The following USP6NL variants were observed in gnomAD, a reference collection of about 807,000 sequenced individuals.
USP6NL encodes USP6 N-terminal like.
In USP6NL, 26 loss-of-function variants were observed where a neutral mutation model predicts 61.9. That is an observed-to-expected ratio of 0.42 (90% CI 0.31 to 0.58). USP6NL has a LOEUF of 0.58. USP6NL is among the 20% of genes least tolerant of loss of function. The pLI, the probability that USP6NL is intolerant of heterozygous loss-of-function variation, is 0.16. For synonymous variants in USP6NL, 432 were observed against 390.1 expected, an observed-to-expected ratio of 1.11 and a Z score of -1.27; for missense variants, 1,114 against 1,034.3, an observed-to-expected ratio of 1.08 and a Z score of -1.06.
chr10:11,499,251 A>G lies in USP6NL; in HGVS notation c.384+1850T>C, dbSNP rs1834073546. Reference sequence around the variant, plus strand: ...TGATGCTGGGGGAAACTCAAATAGTAAAAATAATATTGATGACAGTGTTGA... The same window carrying G: ...TGATGCTGGGGGAAACTCAAATAGTGAAAATAATATTGATGACAGTGTTGA... On this transcript the variant is annotated intron_variant, in intron 7 of 14. Transcript: ENST00000609104. The surrounding 1 kb of genome is among the most constrained non-coding windows in gnomAD (Gnocchi z 4.5). Among the ~76,000 whole-genome samples the G allele has an allele frequency of 6.6e-6, 1 of 152,208 alleles. No individual in the cohort carries two copies. The highest frequency in any genetic ancestry group is 1.5e-5 in the Non-Finnish European group (1 of 68,032).
chr10:11,522,716 C>T (rs1835260643), intron 4 of USP6NL, among the ~76,000 whole-genome samples: 1 of 152,224 alleles, frequency 6.6e-6, no homozygotes, highest in African/African-American at 2.4e-5. Context: ...TAGTACGTAT[C>T]TCAATAGCAG....
At chr10:11,516,570 C>T (rs529477576) in intron 5 of USP6NL, among the ~76,000 whole-genome samples, 1 of 152,214 alleles carries the variant, frequency 6.6e-6, no homozygotes, top group Admixed American at 6.5e-5. Context: ...GTTCTCATTC[C>T]ACTTTAAAGA....
At position 11,506,655 on chromosome 10, in the gene USP6NL, A is replaced by C. The variant is rs542324878; in HGVS notation, c.276+2940T>G. Among the ~76,000 whole-genome samples, 79 of 152,160 alleles carry C rather than the reference A, an allele frequency of 5.2e-4. No homozygotes were observed. The South Asian group carries it at 0.015, about 28-fold the overall frequency. On this transcript the variant is annotated intron_variant, in intron 6 of 14. Coordinates refer to ENST00000609104, the MANE Select transcript of USP6NL (RefSeq NM_014688.5). ...CAGAGACCGTGTCTCTCAAAAAAAA[A>C]CAAAAAAATTTACAATACTACTGTA...
At chr10:11,467,934 G>A (rs545637263) in intron 14 of USP6NL, among the ~76,000 whole-genome samples, 1 of 152,186 alleles carries the variant, frequency 6.6e-6, no homozygotes, top group African/African-American at 2.4e-5. Context: ...TGTATGACTT[G>A]TAAAAAATAT....
intron 2 of USP6NL, among the ~76,000 whole-genome samples, chr10:11,583,832 A>T (rs1266215444): frequency 6.6e-6 from 1 of 152,148 alleles, no homozygotes; most frequent in African/African-American, 2.4e-5. Context: ...GCTCAAGACC[A>T]GCCTGGCCAA....
rs531005885 is a variant in USP6NL, at chr10:11,576,271, T to C, written c.4+21360A>G. Among the ~76,000 whole-genome samples, 350 of 152,314 alleles carry C rather than the reference T, an allele frequency of 2.3e-3. 13 individuals are homozygous for C. Among genetic ancestry groups the C allele is most frequent in the Admixed American group, 0.023 (348 of 15,294 alleles). On this transcript the variant is annotated intron_variant, in intron 2 of 14. Transcript: ENST00000609104. ...ATCCTGACTCACTCTCTCTGGAGTG[T>C]ACCCAGAAGAGGCATGGTGGAGCAG...
intron 1 of USP6NL, among the ~76,000 whole-genome samples, chr10:11,601,798 T>C (rs1213013890): frequency 2.0e-5 from 3 of 152,186 alleles, no homozygotes; most frequent in Non-Finnish European, 4.4e-5. Flanking sequence ...TGATTATACA[T>C]TATCTACGTG....
At chr10:11,488,812 A>C (rs754614550) in intron 10 of USP6NL, among the ~76,000 whole-genome samples, 1 of 152,194 alleles carries the variant, frequency 6.6e-6, no homozygotes, top group Admixed American at 6.5e-5. Flanking sequence ...ACCTGTTCTT[A>C]AATTCCTCCA....
intron 14 of USP6NL, among the ~76,000 whole-genome samples, chr10:11,472,742 T>C (rs117036361): frequency 0.034 from 5,217 of 152,296 alleles, 137 homozygotes; most frequent in Middle Eastern, 0.054. Context: ...TGAAAAGAAA[T>C]AGAATTTGCT....
At chr10:11,541,938 G>A (rs1836082524) in intron 2 of USP6NL, among the ~76,000 whole-genome samples, 1 of 152,146 alleles carries the variant, frequency 6.6e-6, no homozygotes, top group Non-Finnish European at 1.5e-5. Context: ...ATAGTACGGT[G>A]ACTAGAAAGG....
intron 2 of USP6NL, among the ~76,000 whole-genome samples, chr10:11,579,713 T>C (rs963114310): frequency 3.3e-5 from 5 of 152,216 alleles, no homozygotes; most frequent in Admixed American, 2.6e-4. Flanking sequence ...CCAGTGAATT[T>C]TAGCTATTCA....
chr10:11,593,473 CAACTT>C (rs1838222232), intron 2 of USP6NL, among the ~76,000 whole-genome samples: 1 of 152,058 alleles, frequency 6.6e-6, no homozygotes, highest in South Asian at 2.1e-4. Context: ...TTGAGTATAA[CAACTT>C]AATTTAATCC....
In USP6NL at chr10:11,506,856, C is replaced by T. The variant is rs900284087; in HGVS notation, c.276+2739G>A. Reference sequence around the variant, plus strand: ...TATTACTACTATATAAGTAAGGAATCTGTGGAGAGAAAACATACTTCTCCT... The same window carrying T: ...TATTACTACTATATAAGTAAGGAATTTGTGGAGAGAAAACATACTTCTCCT... On this transcript the variant is annotated intron_variant, in intron 6 of 14. Transcript: ENST00000609104. 2.6e-5 allele frequency among the ~76,000 whole-genome samples: 4 copies of T among 151,396 alleles called. No individual in the cohort carries two copies. In the South Asian group the frequency reaches 8.3e-4, roughly 31 times the overall value.
rs1378287075 is a variant in USP6NL, at chr10:11,468,228, T to G, written c.1079-4379A>C. Among the ~76,000 whole-genome samples, 1 of 152,214 alleles carries G rather than the reference T, an allele frequency of 6.6e-6. No individual in the cohort carries two copies. Among genetic ancestry groups the G allele is most frequent in the African/African-American group, 2.4e-5 (1 of 41,462 alleles). On this transcript the variant is annotated intron_variant, in intron 14 of 14. Coordinates refer to ENST00000609104, the MANE Select transcript of USP6NL (RefSeq NM_014688.5). This position sits in a 1 kb window ranked among gnomAD's most constrained non-coding sequence, Gnocchi z 4.5. ...TTCAACTTTAATCCTCTGTAAAAAG[T>G]GGAACTACATTTTTCTTATCGCTGC...
intron 14 of USP6NL, among the ~76,000 whole-genome samples, chr10:11,469,592 T>G (rs549549990): frequency 1.3e-5 from 2 of 152,300 alleles, no homozygotes; most frequent in South Asian, 4.1e-4. Context: ...GCCTCTTTGC[T>G]CTGCAGAGAT....
chr10:11,568,174 TGC>T (rs1555172414), intron 2 of USP6NL, among the ~76,000 whole-genome samples: 11 of 135,232 alleles, frequency 8.1e-5, no homozygotes, highest in East Asian at 2.8e-4. Context: ...TGTGTGTGTG[TGC>T]GCGCGCGCGT....
chr10:11,505,891 C>G (rs1834409484), intron 6 of USP6NL, among the ~76,000 whole-genome samples: 1 of 152,160 alleles, frequency 6.6e-6, no homozygotes, highest in Admixed American at 6.5e-5. Flanking sequence ...TCTCCATTTT[C>G]TCTCATCATC....
intron 2 of USP6NL, among the ~76,000 whole-genome samples, chr10:11,541,131 T>C (rs1284956455): frequency 6.6e-6 from 1 of 151,064 alleles, no homozygotes; most frequent in Non-Finnish European, 1.5e-5. Context: ...TAATATTATA[T>C]TCCTTAAACT....
At chr10:11,567,748 A>G (rs1033487352) in intron 2 of USP6NL, among the ~76,000 whole-genome samples, 1 of 152,232 alleles carries the variant, frequency 6.6e-6, no homozygotes, top group African/African-American at 2.4e-5. Flanking sequence ...TACCAACAGC[A>G]GCTTACCTTT....
Sources: gnomAD v4.1 joint callset for allele counts (sites outside exome capture counted in the v4.1 genomes callset) on GRCh38, gnomAD v4.1.1 for gene constraint, Gnocchi (gnomAD v3.1) non-coding constraint, MANE v1.5 for transcripts, NCBI Gene and HGNC (gene_info 2026-07-23, HGNC 2026-07-21) for gene names.